Variants in TBC1D10C observed in about 807,000 individuals in gnomAD.
The protein encoded by TBC1D10C is carabin.
TBC1D10C carries 49 observed loss-of-function variants against 51.0 expected under a neutral mutation model. That is an observed-to-expected ratio of 0.96 (90% CI 0.76 to 1.22). TBC1D10C has a LOEUF of 1.22. Among genes scored for constraint, TBC1D10C ranks in the 50% most tolerant of loss-of-function variants. The probability of loss-of-function intolerance (pLI) is 0.00; values close to 1 mark genes in which losing one functional copy is unlikely to be tolerated. For synonymous variants in TBC1D10C, 281 were observed against 266.7 expected (o/e 1.05, Z -0.52); for missense variants, 541 against 617.5 (o/e 0.88, Z 1.31).
rs774557875 is a variant in TBC1D10C, at chr11:67,409,781, G to C, written c.*27G>C. On this transcript the variant is annotated 3_prime_UTR_variant, in exon 9 of 9. Transcript: ENST00000542590. ...AGGACCATGGACTTAGTGTCCCCCA[G>C]TCTCAATTGCCTGATGGCTGATGCC... 1 of 1,532,428 alleles carries C rather than the reference G, an allele frequency of 6.5e-7. No individual in the cohort carries two copies. Among genetic ancestry groups the C allele is most frequent in the Non-Finnish European group, 8.7e-7 (1 of 1,148,010 alleles). The allele number at this position is 1,532,428 out of a possible 1,614,324, so 94.9% of individuals were successfully genotyped here. A position where few individuals can be genotyped will look rare whatever the true frequency, so the allele number is the denominator to read the frequency against.
chr11:67,406,430 C>G, intron 5 of TBC1D10C, 197 bp from the exon 6 acceptor site: 1 of 604,284 alleles, frequency 1.7e-6, no homozygotes, highest in Non-Finnish European at 2.9e-6. Context: ...CTAAACCCCT[C>G]AGCAGACCCT....
chr11:67,408,938 G>T (rs982110357), intron 7 of TBC1D10C, 41 bp from the exon 8 acceptor site: 2 of 1,525,140 alleles, frequency 1.3e-6, no homozygotes, highest in Non-Finnish European at 1.8e-6. Context: ...ACTGTGGAGG[G>T]GCAGGGCCGG....
chr11:67,405,266 C>G, intron 2 of TBC1D10C, 82 bp downstream of exon 2: 3 of 1,504,920 alleles, frequency 2.0e-6, no homozygotes, highest in Non-Finnish European at 2.7e-6. Flanking sequence ...ATGTACCCAC[C>G]CTGTGTCCCA....
At chr11:67,405,338 C>G in intron 2 of TBC1D10C, 61 bp from the exon 3 acceptor site, 1 of 1,569,242 alleles carries the variant, frequency 6.4e-7, no homozygotes, top group Non-Finnish European at 8.7e-7. Flanking sequence ...TGAGCTGTGC[C>G]TGGGGCCTGC....
rs1191141164 is a variant in TBC1D10C at position 67,404,089 on chromosome 11, C to G, written c.-114C>G. The G allele has an allele frequency of 5.4e-6, 7 of 1,302,554 alleles. No homozygotes were observed. Among genetic ancestry groups the G allele is most frequent in the Non-Finnish European group, 6.0e-6 (6 of 995,992 alleles). 80.7% of individuals were successfully genotyped at this position (1,302,554 alleles called of 1,614,324 possible). A position where few individuals can be genotyped will look rare whatever the true frequency, so the allele number is the denominator to read the frequency against. On this transcript the variant is annotated 5_prime_UTR_variant, in exon 1 of 9. Coordinates refer to ENST00000542590, the MANE Select transcript of TBC1D10C (RefSeq NM_001369496.1). The stretch of plus-strand genomic sequence containing the variant: ...GAGACATAGGGGGCTTGGTGAGATA[C>G]CCTGAAACCTCCCCCCTCTGACCCC...
upstream of TBC1D10C, chr11:67,404,070 T>C (rs1863038394): frequency 7.0e-6 from 8 of 1,136,652 alleles, no homozygotes; most frequent in East Asian, 3.0e-5. Flanking sequence ...AGAGGAGACA[T>C]AGGGGGCTTG....
In TBC1D10C at chr11:67,409,438, T is replaced by TGCAGCGGGAGATCAAGGC; in HGVS notation, c.1026_1043dup (p.Arg344_Gln349dup). On this transcript the variant is annotated inframe_insertion, in exon 9 of 9. Coordinates refer to ENST00000542590, the MANE Select transcript of TBC1D10C (RefSeq NM_001369496.1). The stretch of plus-strand genomic sequence containing the variant: ...AGCGTGGTGCTGTCAGAGCGGGACC[T>TGCAGCGGGAGATCAAGGC]GCAGCGGGAGATCAAGGCCCAGCTG... 1 of 1,549,176 alleles carries TGCAGCGGGAGATCAAGGC rather than the reference T, an allele frequency of 6.5e-7. No individual in the cohort carries two copies. The highest frequency in any genetic ancestry group is 8.7e-7 in the Non-Finnish European group (1 of 1,146,638).
intron 7 of TBC1D10C, 30 bp downstream of exon 7, chr11:67,407,046 G>A (rs761418485): frequency 4.4e-6 from 7 of 1,587,618 alleles, no homozygotes; most frequent in Non-Finnish European, 5.1e-6. Context: ...GCTGGGGCAG[G>A]AGCCTTGGGG....
rs1442600105 is a variant in TBC1D10C, at chr11:67,409,636, A to G, written c.1223A>G (p.Lys408Arg). 1 of 1,591,528 alleles carries G rather than the reference A, an allele frequency of 6.3e-7. No homozygotes were observed. The highest frequency in any genetic ancestry group is 8.5e-7 in the Non-Finnish European group (1 of 1,170,854). Residue 408 changes from lysine to arginine, a missense_variant, in exon 9 of 9, where the codon AAA (lysine) becomes AGA (arginine). Coordinates refer to ENST00000542590, the MANE Select transcript of TBC1D10C (RefSeq NM_001369496.1). ...GAGGAGCCCAGACCACCGCGGCGGA[A>G]ACCCCAGACCCGCGGCAAGACTTTC... The part of the protein sequence containing the change: ...PPEEPRPPRR[K>R]PQTRGKTFHG...
In TBC1D10C at chr11:67,409,592, G is replaced by A; in HGVS notation, c.1179G>A (p.Arg393=). 6.5e-7 allele frequency: 1 copy of A among 1,550,118 alleles called. No individual in the cohort carries two copies. The change falls in exon 9 of 9, where the codon CGG becomes CGA. Residue 393 remains arginine, a synonymous_variant. Transcript: ENST00000542590. The part of the protein sequence containing the change: ...VRRGAKPEVP[R]IVVQPPEEPR... The stretch of plus-strand genomic sequence containing the variant: ...GAGGCGCCAAGCCTGAGGTGCCTCG[G>A]ATTGTGGTGCAGCCCCCGGAGGAGC...
At chr11:67,406,475 T>C (rs536236048) in intron 5 of TBC1D10C, 152 bp from the exon 6 acceptor site, 1 of 682,464 alleles carries the variant, frequency 1.5e-6, no homozygotes, top group Non-Finnish European at 2.5e-6. Flanking sequence ...TGGGAAGGGC[T>C]TCCAGGAACT....
intron 1 of TBC1D10C, 161 bp from the exon 2 acceptor site, chr11:67,404,924 G>T (rs894326703): frequency 2.9e-5 from 18 of 621,284 alleles, no homozygotes; most frequent in Non-Finnish European, 4.4e-5. Context: ...TCCTGTCCCC[G>T]TGACAAGCAT....
chr11:67,409,660 T>A lies in TBC1D10C; in HGVS notation c.1247T>A (p.Phe416Tyr), dbSNP rs772010052. ...AAACCCCAGACCCGCGGCAAGACTTTCCATGGGCTCCTGACTCGGGCCCGG... is the reference window on the plus strand; with the variant it reads ...AAACCCCAGACCCGCGGCAAGACTTACCATGGGCTCCTGACTCGGGCCCGG... Reference protein sequence around the residue: ...RRKPQTRGKTFHGLLTRARGP... With the variant: ...RRKPQTRGKTYHGLLTRARGP... Residue 416 changes from phenylalanine (F) to tyrosine (Y), a missense_variant, in exon 9 of 9, where the codon TTC (phenylalanine) becomes TAC (tyrosine). Phe to Tyr is a conservative substitution (Grantham distance 22, BLOSUM62 3). Coordinates refer to ENST00000542590, the MANE Select transcript of TBC1D10C (RefSeq NM_001369496.1). 5 of 1,603,114 alleles carry A rather than the reference T, an allele frequency of 3.1e-6. No homozygotes were observed. The South Asian group carries it at 5.5e-5, about 18-fold the overall frequency.
At chr11:67,409,322 T>C (rs1022396534) in intron 8 of TBC1D10C, 85 bp from the exon 9 acceptor site, 8 of 1,447,216 alleles carry the variant, frequency 5.5e-6, no homozygotes, top group African/African-American at 1.4e-5. Context: ...CCCTCAGTCC[T>C]CAGCCACTTC....
chr11:67,406,494 T>G lies in TBC1D10C; in HGVS notation c.583-133T>G, dbSNP rs749306925. On this transcript the variant is annotated intron_variant, in intron 5 of 8. Transcript: ENST00000542590. ...AAGGGCTTCCAGGAACTGCGCAGGT[T>G]AGGAGTGGCCCTGAGTGCAGGCCCC... The G allele has an allele frequency of 5.2e-6, 4 of 772,546 alleles. No homozygotes were observed. In the East Asian group the frequency reaches 8.0e-5, roughly 16 times the overall value. 47.9% of individuals were successfully genotyped at this position (772,546 alleles called of 1,614,324 possible).
chr11:67,404,534 C>A (rs1863061335), intron 1 of TBC1D10C, among the ~76,000 whole-genome samples, 180 bp downstream of exon 1: 1 of 152,116 alleles, frequency 6.6e-6, no homozygotes, highest in Non-Finnish European at 1.5e-5. Context: ...GGGGAGGCCT[C>A]TGTACGTCTC....
At position 67,406,958 on chromosome 11, in the gene TBC1D10C, C is replaced by T. The variant is rs776945554; in HGVS notation, c.780C>T (p.Phe260=). 48 of 1,613,232 alleles carry T rather than the reference C, an allele frequency of 3.0e-5. No homozygotes were observed. The highest frequency in any genetic ancestry group is 3.3e-4 in the Middle Eastern group (2 of 6,044). Reference sequence around the variant, plus strand: ...TGCCCGAGTGGTTCCTGTGCCTCTTCGCCCGCTCCCTGCCCTTCCCCACAG... The same window carrying T: ...TGCCCGAGTGGTTCCTGTGCCTCTTTGCCCGCTCCCTGCCCTTCCCCACAG... ...LYLPEWFLCL[F]ARSLPFPTVL... is the part of the protein sequence containing the mutation. The change falls in exon 7 of 9, where the codon TTC becomes TTT. Residue 260 remains phenylalanine, a synonymous_variant. Transcript: ENST00000542590.
Position 67,404,191 on chromosome 11 carries a change from G to A in TBC1D10C, c.-12G>A. 6.6e-7 allele frequency: 1 copy of A among 1,510,698 alleles called. No individual in the cohort carries two copies. The highest frequency in any genetic ancestry group is 8.9e-7 in the Non-Finnish European group (1 of 1,125,982). The allele number at this position is 1,510,698 out of a possible 1,614,324, so 93.6% of individuals were successfully genotyped here. ...ACTTTCTCTGCCTGTGGCATCGAAG[G>A]CCCCGGGCACCATGGCCCAGGCCCT... is the stretch of plus-strand genomic sequence containing the variant. On this transcript the variant is annotated 5_prime_UTR_variant, in exon 1 of 9. Transcript: ENST00000542590.
In TBC1D10C at chr11:67,409,689, C is replaced by A. The variant is rs1362856424; in HGVS notation, c.1276C>A (p.Pro426Thr). ...FHGLLTRARGPPIEGPPRPQR... is the reference protein window; with the variant it reads ...FHGLLTRARGTPIEGPPRPQR... ...TGGGCTCCTGACTCGGGCCCGGGGCCCCCCCATCGAGGGGCCCCCCAGGCC... is the reference window on the plus strand; with the variant it reads ...TGGGCTCCTGACTCGGGCCCGGGGCACCCCCATCGAGGGGCCCCCCAGGCC... Residue 426 changes from proline (P) to threonine (T), a missense_variant, in exon 9 of 9, where the codon CCC (proline) becomes ACC (threonine). Transcript: ENST00000542590. 6.3e-7 allele frequency: 1 copy of A among 1,596,730 alleles called. No individual in the cohort carries two copies. Among genetic ancestry groups the A allele is most frequent in the Non-Finnish European group, 8.5e-7 (1 of 1,177,832 alleles).
Sources: allele counts gnomAD v4.1 joint callset (sites outside exome capture counted in the v4.1 genomes callset), GRCh38; gene constraint gnomAD v4.1.1; transcripts MANE v1.5; gene names NCBI Gene and HGNC (gene_info 2026-07-23, HGNC 2026-07-21).